Variants in GALNT18 observed in about 807,000 individuals in gnomAD.
GALNT18 encodes polypeptide N-acetylgalactosaminyltransferase 18.
A neutral mutation model predicts 69.5 loss-of-function variants in GALNT18; 44 were observed. The ratio of observed to expected loss-of-function variants is 0.63; its 90% CI spans 0.50 to 0.81. The LOEUF is 0.81. Among genes scored for constraint, GALNT18 ranks in the 40% least tolerant of loss-of-function variants. The pLI, the probability that GALNT18 is intolerant of heterozygous loss-of-function variation, is 0.00. For missense variants in GALNT18, 715 were observed against 810.0 expected, an observed-to-expected ratio of 0.88 and a Z score of 1.42; for synonymous variants, 364 against 318.2, an observed-to-expected ratio of 1.14 and a Z score of -1.53.
At chr11:11,271,785 C>T (rs1848833407) in intron 10 of GALNT18, among the ~76,000 whole-genome samples, 1 of 152,202 alleles carries the variant, frequency 6.6e-6, no homozygotes, top group Non-Finnish European at 1.5e-5. Context: ...TCTCTTAGGC[C>T]ACTGGGCCCC....
intron 10 of GALNT18, among the ~76,000 whole-genome samples, chr11:11,273,943 T>C (rs11021742): frequency 1.7e-3 from 263 of 152,296 alleles, no homozygotes; most frequent in Non-Finnish European, 3.0e-3. Context: ...GAGAGATCCA[T>C]GCAGAAGGCG....
chr11:11,599,090 T>C (rs913217614), intron 1 of GALNT18, among the ~76,000 whole-genome samples: 81 of 152,170 alleles, frequency 5.3e-4, no homozygotes, highest in African/African-American at 1.7e-3. Flanking sequence ...GAGTGAATTA[T>C]AAGTGTCTAT....
intron 10 of GALNT18, among the ~76,000 whole-genome samples, chr11:11,290,214 CTT>C (rs1849272679): frequency 6.6e-6 from 1 of 152,168 alleles, no homozygotes; most frequent in South Asian, 2.1e-4. Context: ...TAAGAGGAGA[CTT>C]TGGGGGCTGA....
intron 10 of GALNT18, among the ~76,000 whole-genome samples, chr11:11,278,577 A>G (rs1755147531): frequency 6.6e-6 from 1 of 152,112 alleles, no homozygotes; most frequent in Non-Finnish European, 1.5e-5. Flanking sequence ...TGTTAAGTGA[A>G]ATAAACCAGG....
intron 10 of GALNT18, among the ~76,000 whole-genome samples, chr11:11,275,264 G>A (rs978772082): frequency 1.3e-5 from 2 of 152,160 alleles, no homozygotes; most frequent in Admixed American, 6.5e-5. Context: ...GTATCTCATT[G>A]CGGTTTTGAT....
intron 1 of GALNT18, among the ~76,000 whole-genome samples, chr11:11,521,541 G>T (rs892262190): frequency 2.6e-5 from 4 of 152,180 alleles, no homozygotes; most frequent in African/African-American, 9.6e-5. Context: ...AGAGAGTTCT[G>T]ATTACACCAC....
chr11:11,475,397 C>T (rs999438049), intron 1 of GALNT18: 10 of 152,132 alleles, frequency 6.6e-5, no homozygotes, highest in African/African-American at 1.9e-4. Flanking sequence ...CAGGTAGGTG[C>T]TCAGTGGAAA....
chr11:11,364,560 A>T, intron 6 of GALNT18, among the ~76,000 whole-genome samples: 1 of 89,822 alleles, frequency 1.1e-5, no homozygotes, highest in East Asian at 2.0e-4. Flanking sequence ...AGAGGGGGGG[A>T]AAAAGAGATG....
chr11:11,535,585 C>T (rs1434751184), intron 1 of GALNT18, among the ~76,000 whole-genome samples: 1 of 152,164 alleles, frequency 6.6e-6, no homozygotes, highest in African/African-American at 2.4e-5. Context: ...CCAGCTCCTT[C>T]CCAGGGAAGA....
intron 10 of GALNT18, among the ~76,000 whole-genome samples, chr11:11,272,510 C>T (rs773604266): frequency 3.9e-5 from 6 of 152,226 alleles, no homozygotes; most frequent in Non-Finnish European, 8.8e-5. Context: ...TGCTGCCTTT[C>T]TAGCCTCATC....
At position 11,595,229 on chromosome 11, in the gene GALNT18, G is replaced by A. The variant is rs945944076; in HGVS notation, c.235+26130C>T. 6.6e-6 allele frequency among the ~76,000 whole-genome samples: 1 copy of A among 152,028 alleles called. No individual in the cohort carries two copies. Among genetic ancestry groups the A allele is most frequent in the African/African-American group, 2.4e-5 (1 of 41,390 alleles). On this transcript the variant is annotated intron_variant, in intron 1 of 10. Coordinates refer to ENST00000227756, the MANE Select transcript of GALNT18 (RefSeq NM_198516.3). This position sits in a 1 kb window ranked among gnomAD's most constrained non-coding sequence, Gnocchi z 5.2. ...CCAAGGTGATGTCTTTAGAAGGTGG[G>A]GCCCTAGGGAGGTGGATAGGTAATG...
intron 1 of GALNT18, among the ~76,000 whole-genome samples, chr11:11,610,653 A>G (rs1349738822): frequency 6.6e-6 from 1 of 152,232 alleles, no homozygotes; most frequent in Non-Finnish European, 1.5e-5. Context: ...GGCCTGGCCC[A>G]GTTATCGAGT....
At chr11:11,342,756 T>G (rs372979367) in intron 6 of GALNT18, among the ~76,000 whole-genome samples, 2 of 152,204 alleles carry the variant, frequency 1.3e-5, no homozygotes, top group Admixed American at 1.3e-4. Flanking sequence ...GCCATGAGAC[T>G]ACTCAGGTTC....
chr11:11,483,508 G>A (rs1856579049), intron 1 of GALNT18, among the ~76,000 whole-genome samples: 1 of 152,200 alleles, frequency 6.6e-6, no homozygotes, highest in Admixed American at 6.5e-5. Flanking sequence ...TGAGGGTAAA[G>A]GCCATTCATT....
chr11:11,462,115 T>G (rs1186881002), intron 1 of GALNT18, among the ~76,000 whole-genome samples: 4 of 152,100 alleles, frequency 2.6e-5, no homozygotes, highest in African/African-American at 9.7e-5. Flanking sequence ...CATTCAGCAG[T>G]CTGAGGGGAG....
At position 11,436,388 on chromosome 11, in the gene GALNT18, T is replaced by A. The variant is rs1246405017; in HGVS notation, c.429-3601A>T. Among the ~76,000 whole-genome samples the A allele has an allele frequency of 1.3e-5, 2 of 150,264 alleles. No homozygotes were observed. Among genetic ancestry groups the A allele is most frequent in the Non-Finnish European group, 1.5e-5 (1 of 67,558 alleles). On this transcript the variant is annotated intron_variant, in intron 2 of 10. Transcript: ENST00000227756. The surrounding 1 kb of genome is among the most constrained non-coding windows in gnomAD (Gnocchi z 4.5). Reference sequence around the variant, plus strand: ...CACATCCCCTTGCCACCATCGTGACTATGTAGGGTGACAAGCTCATCCCAG... The same window carrying A: ...CACATCCCCTTGCCACCATCGTGACAATGTAGGGTGACAAGCTCATCCCAG...
intron 1 of GALNT18, among the ~76,000 whole-genome samples, chr11:11,611,803 G>A (rs574268172): frequency 6.6e-6 from 1 of 152,252 alleles, no homozygotes; most frequent in East Asian, 1.9e-4. Flanking sequence ...TTTTGACAAG[G>A]ACCAGTTCCT....
intron 1 of GALNT18, among the ~76,000 whole-genome samples, chr11:11,536,718 A>T (rs535326270): frequency 6.6e-6 from 1 of 152,234 alleles, no homozygotes; most frequent in Admixed American, 6.5e-5. Flanking sequence ...TGAGTCTCTA[A>T]AGAGAAGGAC....
At position 11,463,296 on chromosome 11, in the gene GALNT18, T is replaced by C. The variant is rs185480777; in HGVS notation, c.236-14360A>G. Reference sequence around the variant, plus strand: ...AGCTCATCCTGAAAACAGATTCTTCTAGTCCCAAGTGGTTGCTCACTGCTT... The same window carrying C: ...AGCTCATCCTGAAAACAGATTCTTCCAGTCCCAAGTGGTTGCTCACTGCTT... On this transcript the variant is annotated intron_variant, in intron 1 of 10. Coordinates refer to ENST00000227756, the MANE Select transcript of GALNT18 (RefSeq NM_198516.3). The surrounding 1 kb of genome is among the most constrained non-coding windows in gnomAD (Gnocchi z 4.2). 1.4e-3 allele frequency among the ~76,000 whole-genome samples: 217 copies of C among 152,252 alleles called. 4 individuals carry two copies. Among genetic ancestry groups the C allele is most frequent in the Admixed American group, 0.014 (207 of 15,294 alleles).
Sources: gnomAD v4.1 joint callset for allele counts (sites outside exome capture counted in the v4.1 genomes callset) on GRCh38, gnomAD v4.1.1 for gene constraint, Gnocchi (gnomAD v3.1) non-coding constraint, MANE v1.5 for transcripts, NCBI Gene and HGNC (gene_info 2026-07-23, HGNC 2026-07-21) for gene names.